Variants in ALDH1L2 observed in about 807,000 individuals in gnomAD.
ALDH1L2 encodes the protein mitochondrial 10-formyltetrahydrofolate dehydrogenase.
A neutral mutation model predicts 111.0 loss-of-function variants in ALDH1L2; 91 were observed. The observed-to-expected ratio is 0.82, with a 90% CI of 0.69 to 0.98. ALDH1L2 has a LOEUF of 0.98. Among genes scored for constraint, ALDH1L2 ranks in the 50% least tolerant of loss-of-function variants. ALDH1L2 has a pLI of 0.00. For synonymous variants in ALDH1L2, 374 were observed against 392.6 expected (o/e 0.95, Z 0.56); for missense variants, 995 against 1,126.8 (o/e 0.88, Z 1.67).
chr12:105,029,516 C>T (rs1192364841), intron 21 of ALDH1L2, among the ~76,000 whole-genome samples: 2 of 152,154 alleles, frequency 1.3e-5, no homozygotes, highest in Non-Finnish European at 2.9e-5. Context: ...TTCCCTCAAA[C>T]CTGACTTCTA....
At chr12:105,056,972 CA>C (rs1284822656) in intron 10 of ALDH1L2, among the ~76,000 whole-genome samples, 3 of 149,514 alleles carry the variant, frequency 2.0e-5, no homozygotes, top group African/African-American at 7.4e-5. Context: ...AAGTTTTCAG[CA>C]AATCTACAGA....
intron 1 of ALDH1L2, among the ~76,000 whole-genome samples, chr12:105,078,351 C>T (rs1878171518): frequency 6.6e-6 from 1 of 152,106 alleles, no homozygotes; most frequent in African/African-American, 2.4e-5. Context: ...CCCAGCTACT[C>T]AGGAGGCTGA....
rs146354857 is a variant in ALDH1L2, at chr12:105,052,203, T to C, written c.1422A>G (p.Val474=). The C allele has an allele frequency of 3.8e-4, 613 of 1,605,008 alleles. No individual in the cohort carries two copies. The highest frequency in any genetic ancestry group is 5.0e-4 in the Middle Eastern group (3 of 6,026). The change falls in exon 12 of 23, where the codon GTA becomes GTG. Residue 474 remains valine, a synonymous_variant. Coordinates refer to ENST00000258494, the MANE Select transcript of ALDH1L2 (RefSeq NM_001034173.4). ...CAACATCCGCCAAAGAAGCGTAGGA[T>C]ACTTTGCATATTGTCTATTTCAAGG... ...NPTDGSTICK[V]SYASLADVDK...
At chr12:105,079,703 T>C (rs1030974024) in intron 1 of ALDH1L2, among the ~76,000 whole-genome samples, 2 of 148,764 alleles carry the variant, frequency 1.3e-5, no homozygotes, top group Non-Finnish European at 3.0e-5. Flanking sequence ...TTTTTAATTA[T>C]ACATATTACA....
chr12:105,049,789 C>T (rs1221074190), intron 13 of ALDH1L2, 119 bp downstream of exon 13: 30 of 1,170,480 alleles, frequency 2.6e-5, no homozygotes, highest in South Asian at 1.9e-4. Context: ...TGGATTGAGA[C>T]AACCCTGTTA....
intron 13 of ALDH1L2, among the ~76,000 whole-genome samples, chr12:105,049,038 GA>G (rs906299799): frequency 7.5e-5 from 10 of 133,012 alleles, no homozygotes; most frequent in South Asian, 2.7e-4. Flanking sequence ...TCAAAAGAAA[GA>G]AAAAAAAATT....
intron 7 of ALDH1L2, among the ~76,000 whole-genome samples, chr12:105,062,210 G>T (rs904577012): frequency 2.0e-5 from 3 of 152,240 alleles, no homozygotes; most frequent in Non-Finnish European, 2.9e-5. Flanking sequence ...ATAAAAGCCA[G>T]TGGAGGCGGA....
intron 10 of ALDH1L2, among the ~76,000 whole-genome samples, chr12:105,055,158 A>G (rs1027995692): frequency 1.3e-5 from 2 of 152,180 alleles, no homozygotes; most frequent in Non-Finnish European, 2.9e-5. Flanking sequence ...GGCTCTGTGC[A>G]GGCAGGAAGT....
At chr12:105,071,834 C>T (rs914990233) in intron 2 of ALDH1L2, among the ~76,000 whole-genome samples, 11 of 149,218 alleles carry the variant, frequency 7.4e-5, no homozygotes, top group African/African-American at 2.7e-4. Context: ...CACCTGTAAT[C>T]CCAGCACTTT....
chr12:105,044,793 G>T (rs1875742642), intron 15 of ALDH1L2, among the ~76,000 whole-genome samples: 1 of 151,676 alleles, frequency 6.6e-6, no homozygotes, highest in Non-Finnish European at 1.5e-5. Context: ...GGTTTATACA[G>T]CAAAAGGAGA....
At chr12:105,051,880 G>A (rs890332024) in intron 12 of ALDH1L2, among the ~76,000 whole-genome samples, 4 of 151,086 alleles carry the variant, frequency 2.6e-5, no homozygotes, top group African/African-American at 9.8e-5. Flanking sequence ...CACCTCCTAG[G>A]TTCAAGCAAT....
Position 105,068,705 on chromosome 12 carries a change from CA to C in ALDH1L2, c.594+13del. 6.9e-7 allele frequency: 1 copy of C among 1,439,366 alleles called. No individual in the cohort carries two copies. Among genetic ancestry groups the C allele is most frequent in the Non-Finnish European group, 9.2e-7 (1 of 1,089,386 alleles). 89.2% of individuals were successfully genotyped at this position (1,439,366 alleles called of 1,614,324 possible). A position where few individuals can be genotyped will look rare whatever the true frequency, so the allele number is the denominator to read the frequency against. ...TAAAGGTTTACTAAATTCTGGGTGG[CA>C]AAATATACTAACCATGGCCTTGATT... On this transcript the variant is annotated intron_variant, in intron 4 of 22. Coordinates refer to ENST00000258494, the MANE Select transcript of ALDH1L2 (RefSeq NM_001034173.4).
chr12:105,049,804 GGT>G, intron 13 of ALDH1L2, 102 bp downstream of exon 13: 1 of 1,304,346 alleles, frequency 7.7e-7, no homozygotes, highest in Middle Eastern at 2.2e-4. Flanking sequence ...CTGTTATGTT[GGT>G]GTAAAAAAAT....
At chr12:105,061,436 T>A (rs1471440397) in intron 8 of ALDH1L2, among the ~76,000 whole-genome samples, 191 bp downstream of exon 8, 1 of 152,196 alleles carries the variant, frequency 6.6e-6, no homozygotes, top group African/African-American at 2.4e-5. Context: ...CTTGGATGAC[T>A]TATGTGAAAA....
At position 105,049,967 on chromosome 12, in the gene ALDH1L2, G is replaced by C; in HGVS notation, c.1627C>G (p.His543Asp). ...GAVYTLALKTHIGMSVQTFRY... is the reference protein window; with the variant it reads ...GAVYTLALKTDIGMSVQTFRY... ...AATGTTTGCACAGACATTCCAATGT[G>C]TGTCTTCAGGGCCAAGGTATAGACA... Residue 543 changes from histidine (H) to aspartate (D), a missense_variant, in exon 13 of 23, where the codon CAC becomes GAC. His to Asp is a moderately conservative substitution (Grantham distance 81). Coordinates refer to ENST00000258494, the MANE Select transcript of ALDH1L2 (RefSeq NM_001034173.4). 1.2e-6 allele frequency: 2 copies of C among 1,612,956 alleles called. No homozygotes were observed. Among genetic ancestry groups the C allele is most frequent in the Non-Finnish European group, 1.7e-6 (2 of 1,179,440 alleles).
At chr12:105,047,045 G>A (rs2136070501) in intron 13 of ALDH1L2, 76 bp from the exon 14 acceptor site, 1 of 1,500,272 alleles carries the variant, frequency 6.7e-7, no homozygotes, top group East Asian at 2.3e-5. Context: ...TCCATTTTCT[G>A]TCTTCCTCTC....
rs192638125 is a variant in ALDH1L2 at position 105,072,899 on chromosome 12, G to A, written c.193+962C>T. Among the ~76,000 whole-genome samples the A allele has an allele frequency of 4.4e-3, 670 of 152,216 alleles. 6 individuals are homozygous for A. The highest frequency in any genetic ancestry group is 0.015 in the African/African-American group (616 of 41,552). ...TGAGGCAGGAGAATTGCTTGAACCT[G>A]GGAGGTGGAGGTTGCAGTGAGCCGA... On this transcript the variant is annotated intron_variant, in intron 2 of 22. Transcript: ENST00000258494.
At chr12:105,046,563 T>C (rs984232250) in intron 15 of ALDH1L2, 147 bp downstream of exon 15, 2 of 655,036 alleles carry the variant, frequency 3.1e-6, no homozygotes, top group African/African-American at 3.6e-5. Flanking sequence ...AAATGAATAT[T>C]TACTGACATG....
In ALDH1L2 at chr12:105,046,759, C is replaced by G. The variant is rs1470009622; in HGVS notation, c.1814G>C (p.Ser605Thr). The change falls in exon 15 of 23, where the codon AGT (serine) becomes ACT (threonine). Residue 605 changes from serine to threonine, a missense_variant. Coordinates refer to ENST00000258494, the MANE Select transcript of ALDH1L2 (RefSeq NM_001034173.4). ...NYPLMMLAWK[S>T]AACLAAGNTL... ...ATTGCCTGCTGCCAAACACGCAGCACTCTTCCATGCCAGCATCATCAGCGG... is the reference window on the plus strand; with the variant it reads ...ATTGCCTGCTGCCAAACACGCAGCAGTCTTCCATGCCAGCATCATCAGCGG... 2 of 1,614,184 alleles carry G rather than the reference C, an allele frequency of 1.2e-6. No homozygotes were observed. The highest frequency in any genetic ancestry group is 1.7e-6 in the Non-Finnish European group (2 of 1,180,012).
Sources: allele counts gnomAD v4.1 joint callset (sites outside exome capture counted in the v4.1 genomes callset), GRCh38; gene constraint gnomAD v4.1.1; transcripts MANE v1.5; gene names NCBI Gene and HGNC (gene_info 2026-07-23, HGNC 2026-07-21).